Variants in ABCC11 observed in about 807,000 individuals in gnomAD.
The protein encoded by ABCC11 is ATP binding cassette subfamily C member 11, also known as ATP-binding cassette sub-family C member 11.
In ABCC11, 135 loss-of-function variants were observed where a neutral mutation model predicts 149.3. That is an observed-to-expected ratio of 0.90 (90% CI 0.79 to 1.04). ABCC11 has a LOEUF of 1.04. ABCC11 is among the 50% of genes least tolerant of loss of function. The probability of loss-of-function intolerance (pLI) is 0.00; values close to 1 mark genes in which losing one functional copy is unlikely to be tolerated. For missense variants in ABCC11, 1,680 were observed against 1,722.1 expected (o/e 0.98, Z 0.43); for synonymous variants, 665 against 671.4 (o/e 0.99, Z 0.15).
chr16:48,245,147 C>T (rs1359124202), intron 1 of ABCC11, among the ~76,000 whole-genome samples: 1 of 152,176 alleles, frequency 6.6e-6, no homozygotes, highest in African/African-American at 2.4e-5. Context: ...GGGTGCCTTT[C>T]TTCTATACTC....
rs140982697 is a variant in ABCC11, at chr16:48,226,937, T to G, written c.395+869A>C. On this transcript the variant is annotated intron_variant, in intron 4 of 29. Transcript: ENST00000356608. ...AAACTCATTTTCCACCTGGTATCTC[T>G]CATGAAGCAGCTAGAGGTAGGAACA... Among the ~76,000 whole-genome samples, 523 of 152,316 alleles carry G rather than the reference T, an allele frequency of 3.4e-3. 2 individuals carry two copies. The highest frequency in any genetic ancestry group is 0.012 in the African/African-American group (500 of 41,570).
chr16:48,210,868 T>C lies in ABCC11; in HGVS notation c.1608+80A>G, dbSNP rs1367869524. The C allele has an allele frequency of 1.4e-5, 22 of 1,540,914 alleles. No homozygotes were observed. In the East Asian group the frequency reaches 5.0e-4, roughly 35 times the overall value. On this transcript the variant is annotated intron_variant, in intron 11 of 29. Coordinates refer to ENST00000356608, the MANE Select transcript of ABCC11 (RefSeq NM_001370497.1). The stretch of plus-strand genomic sequence containing the variant: ...GGGCAGTTTTTAACCAAGGAAATGG[T>C]GGGGCACCTGGCCAAGCTCCTAGCC...
chr16:48,205,359 C>T (rs982901700), intron 13 of ABCC11, 54 bp downstream of exon 13: 1 of 1,602,250 alleles, frequency 6.2e-7, no homozygotes, highest in African/African-American at 1.3e-5. Flanking sequence ...GCTGGAGGTG[C>T]CCCCAGACCA....
intron 23 of ABCC11, among the ~76,000 whole-genome samples, chr16:48,181,525 TC>T (rs1966430562): frequency 3.3e-5 from 5 of 151,734 alleles, no homozygotes. Context: ...AGATGAGGAA[TC>T]CCAGAGGTTA....
At position 48,167,159 on chromosome 16, in the gene ABCC11, T is replaced by TCC; in HGVS notation, c.*114_*115insGG. The stretch of plus-strand genomic sequence containing the variant: ...CCACCCCCCCTACATTTACCCCTGC[T>TCC]TCCAGGAGAAGTTCTCATCTCCAAA... On this transcript the variant is annotated 3_prime_UTR_variant, in exon 30 of 30. Transcript: ENST00000356608. The TCC allele has an allele frequency of 2.2e-6, 1 of 461,410 alleles. No individual in the cohort carries two copies. The highest frequency in any genetic ancestry group is 1.8e-5 in the South Asian group (1 of 55,958). The allele number at this position is 461,410 out of a possible 1,614,324, so 28.6% of individuals were successfully genotyped here. A position where few individuals can be genotyped will look rare whatever the true frequency, so the allele number is the denominator to read the frequency against.
At chr16:48,197,757 A>C (rs1967567956) in intron 17 of ABCC11, among the ~76,000 whole-genome samples, 2 of 152,118 alleles carry the variant, frequency 1.3e-5, no homozygotes, top group South Asian at 4.2e-4. Flanking sequence ...TGCCCCCCAC[A>C]ACACTCACTT....
At chr16:48,215,458 T>TTTGATTGGAAAACCTCTC in intron 7 of ABCC11, 114 bp from the exon 8 acceptor site, 1 of 1,277,760 alleles carries the variant, frequency 7.8e-7, no homozygotes, top group Non-Finnish European at 1.1e-6. Flanking sequence ...CAAAGAGAGG[T>TTTGATTGGAAAACCTCTC]TTTCCAATCA....
At chr16:48,240,297 G>T (rs771886134) in intron 1 of ABCC11, among the ~76,000 whole-genome samples, 1 of 152,172 alleles carries the variant, frequency 6.6e-6, no homozygotes, top group African/African-American at 2.4e-5. Flanking sequence ...ACAATAGACT[G>T]GATAAAGAAA....
intron 18 of ABCC11, among the ~76,000 whole-genome samples, chr16:48,194,835 G>A (rs1240509849): frequency 2.0e-5 from 3 of 152,178 alleles, no homozygotes; most frequent in Admixed American, 2.0e-4. Flanking sequence ...CCAGAACAGT[G>A]AGAAATAAAT....
At chr16:48,247,016 A>C (rs182886986) in intron 1 of ABCC11, among the ~76,000 whole-genome samples, 34 of 152,420 alleles carry the variant, frequency 2.2e-4, no homozygotes, top group African/African-American at 7.2e-4. Context: ...GCAATGTTAA[A>C]ATTTAATCAT....
At chr16:48,231,694 A>G in intron 2 of ABCC11, 129 bp downstream of exon 2, 1 of 1,379,624 alleles carries the variant, frequency 7.2e-7, no homozygotes, top group Non-Finnish European at 9.5e-7. Flanking sequence ...AGAGAGAGCA[A>G]AAAGAGAAAA....
intron 1 of ABCC11, among the ~76,000 whole-genome samples, chr16:48,239,620 C>G (rs1455675728): frequency 6.8e-6 from 1 of 146,862 alleles, no homozygotes; most frequent in African/African-American, 2.5e-5. Flanking sequence ...TAGGCACCGG[C>G]AAGATTTCAT....
intron 5 of ABCC11, 71 bp from the exon 6 acceptor site, chr16:48,222,902 G>T (rs1339543684): frequency 7.6e-7 from 1 of 1,324,136 alleles, no homozygotes; most frequent in Non-Finnish European, 1.1e-6. Flanking sequence ...GTTGCTGGAA[G>T]AAGGGTTGGG....
At chr16:48,187,506 T>A in intron 20 of ABCC11, 79 bp from the exon 21 acceptor site, 1 of 1,284,928 alleles carries the variant, frequency 7.8e-7, no homozygotes, top group East Asian at 2.5e-5. Context: ...CCTGTTACCC[T>A]TGACTCTAAA....
intron 3 of ABCC11, among the ~76,000 whole-genome samples, chr16:48,229,482 G>A (rs8058828): frequency 0.081 from 10,731 of 132,070 alleles, 509 homozygotes; most frequent in African/African-American, 0.15. Flanking sequence ...TTTTGAGACG[G>A]AGGCTCGCTC....
At chr16:48,231,163 G>T (rs1430764694) in intron 2 of ABCC11, among the ~76,000 whole-genome samples, 1 of 151,996 alleles carries the variant, frequency 6.6e-6, no homozygotes, top group Non-Finnish European at 1.5e-5. Context: ...GGTCCAAGCT[G>T]ATGTATTGGT....
intron 6 of ABCC11, among the ~76,000 whole-genome samples, chr16:48,221,675 G>A (rs918108657): frequency 7.9e-5 from 12 of 152,180 alleles, no homozygotes; most frequent in African/African-American, 2.9e-4. Flanking sequence ...TTTTTGTTCA[G>A]GGGCCTATCC....
Position 48,222,642 on chromosome 16 carries a change from T to G in ABCC11, c.733A>C (p.Lys245Gln). 1 of 1,614,172 alleles carries G rather than the reference T, an allele frequency of 6.2e-7. No homozygotes were observed. Among genetic ancestry groups the G allele is most frequent in the Middle Eastern group, 1.6e-4 (1 of 6,062 alleles). ...ATTACAGACTTAAATTGGATGAGCT[T>G]CTCAAAGGCAAAGGAGGAAACAGCT... Reference protein sequence around the residue: ...RAAVSSFAFEKLIQFKSVIHI... With the variant: ...RAAVSSFAFEQLIQFKSVIHI... Residue 245 changes from lysine to glutamine, a missense_variant, in exon 6 of 30, where the codon AAG becomes CAG. By Grantham distance (53) the Lys-to-Gln change is moderately conservative. Transcript: ENST00000356608.
intron 12 of ABCC11, among the ~76,000 whole-genome samples, chr16:48,206,306 A>T (rs57558467): frequency 0.026 from 3,981 of 152,318 alleles, 183 homozygotes; most frequent in African/African-American, 0.091. Context: ...GGAAAGTGTT[A>T]TAACCTCTGT....
Sources: gnomAD v4.1 joint callset for allele counts (sites outside exome capture counted in the v4.1 genomes callset) on GRCh38, gnomAD v4.1.1 for gene constraint, MANE v1.5 for transcripts, NCBI Gene and HGNC (gene_info 2026-07-23, HGNC 2026-07-21) for gene names.